ZNF559: variants seen among roughly 807,000 people sequenced by gnomAD.
ZNF559 encodes the protein putative protein product of Nbla00121.
A neutral mutation model predicts 14.2 loss-of-function variants in ZNF559; 17 were observed. The ratio of observed to expected loss-of-function variants is 1.20; its 90% CI spans 0.82 to 1.80. The LOEUF (loss-of-function observed/expected upper bound fraction) is 1.80, where lower values mean the gene tolerates loss of function less well. Ranked by LOEUF, ZNF559 falls within the 40% of genes most tolerant of loss-of-function variation. The pLI is 0.00. For synonymous variants in ZNF559, 244 were observed against 212.4 expected (o/e 1.15, Z -1.29); for missense variants, 740 against 629.7 (o/e 1.18, Z -1.88).
chr19:9,342,512 A>G lies in ZNF559; in HGVS notation c.1061A>G (p.Glu354Gly). The change falls in exon 7 of 7, where the codon GAA becomes GGA. Residue 354 changes from glutamate (E) to glycine (G), a missense_variant. Glu to Gly is a moderately conservative substitution (Grantham distance 98, BLOSUM62 -2). Transcript: ENST00000603380. ...RRTHTGEKPY[E>G]CKECGKAFAN... ...ACTCACACTGGAGAAAAGCCTTATGAATGTAAGGAATGTGGGAAAGCTTTT... is the reference window on the plus strand; with the variant it reads ...ACTCACACTGGAGAAAAGCCTTATGGATGTAAGGAATGTGGGAAAGCTTTT... 6.2e-7 allele frequency: 1 copy of G among 1,614,164 alleles called. No individual in the cohort carries two copies. The highest frequency in any genetic ancestry group is 8.5e-7 in the Non-Finnish European group (1 of 1,180,012).
chr19:9,343,445 A>G lies in ZNF559; in HGVS notation c.*377A>G, dbSNP rs778082544. 9.5e-7 allele frequency: 1 copy of G among 1,054,446 alleles called. No homozygotes were observed. Among genetic ancestry groups the G allele is most frequent in the Non-Finnish European group, 1.1e-6 (1 of 872,192 alleles). 65.3% of individuals were successfully genotyped at this position (1,054,446 alleles called of 1,614,324 possible). A position where few individuals can be genotyped will look rare whatever the true frequency, so the allele number is the denominator to read the frequency against. The stretch of plus-strand genomic sequence containing the variant: ...CGGGCCTTACTGAGCTTGTGAGCAC[A>G]TTGGATATAAATGCACGTCCTCTGG... On this transcript the variant is annotated 3_prime_UTR_variant, in exon 7 of 7. Coordinates refer to ENST00000603380, the MANE Select transcript of ZNF559 (RefSeq NM_032497.3).
At chr19:9,332,355 G>GTGTATATATATATATA (rs138636441) in intron 2 of ZNF559, among the ~76,000 whole-genome samples, 1 of 149,958 alleles carries the variant, frequency 6.7e-6, no homozygotes, top group Non-Finnish European at 1.5e-5. Flanking sequence ...ATGTGTGTGT[G>GTGTATATATATATATA]TATATATATA....
rs766229128 is a variant in ZNF559, at chr19:9,344,037, A to G, written c.*969A>G. 3.3e-4 allele frequency: 52 copies of G among 158,188 alleles called. No homozygotes were observed. Among genetic ancestry groups the G allele is most frequent in the Non-Finnish European group, 3.3e-4 (24 of 73,626 alleles). 9.8% of individuals were successfully genotyped at this position (158,188 alleles called of 1,614,324 possible). A position where few individuals can be genotyped will look rare whatever the true frequency, so the allele number is the denominator to read the frequency against. Reference sequence around the variant, plus strand: ...AGCGAGTGGATCATTTGAGGTCAGGAGTTCGAGACCAGCCTGGCCAACGTG... The same window carrying G: ...AGCGAGTGGATCATTTGAGGTCAGGGGTTCGAGACCAGCCTGGCCAACGTG... On this transcript the variant is annotated 3_prime_UTR_variant, in exon 7 of 7. Coordinates refer to ENST00000603380, the MANE Select transcript of ZNF559 (RefSeq NM_032497.3).
chr19:9,327,555 A>T (rs2066686173), intron 2 of ZNF559, among the ~76,000 whole-genome samples: 1 of 152,116 alleles, frequency 6.6e-6, no homozygotes, highest in African/African-American at 2.4e-5. Flanking sequence ...GGCCTCACCC[A>T]GTGGCTTTTA....
At position 9,342,757 on chromosome 19, in the gene ZNF559, C is replaced by A. The variant is rs1019423871; in HGVS notation, c.1306C>A (p.Pro436Thr). Residue 436 changes from proline to threonine, a missense_variant, in exon 7 of 7, where the codon CCT becomes ACT. Transcript: ENST00000603380. The stretch of plus-strand genomic sequence containing the variant: ...TTTGAGAAGTCACAGTGCAGAAAGG[C>A]CTTTTGAATGTGAGGAATGTGGGAA... ...RHLRSHSAER[P>T]FECEECGKAF... is the part of the protein sequence containing the mutation. The A allele has an allele frequency of 8.1e-6, 13 of 1,614,178 alleles. No individual in the cohort carries two copies. In the South Asian group the frequency reaches 1.3e-4, roughly 16 times the overall value.
At position 9,342,196 on chromosome 19, in the gene ZNF559, C is replaced by T. The variant is rs1275392811; in HGVS notation, c.745C>T (p.Pro249Ser). 2.5e-6 allele frequency: 4 copies of T among 1,604,016 alleles called. No homozygotes were observed. The highest frequency in any genetic ancestry group is 1.1e-5 in the South Asian group (1 of 89,030). ...CTATGAATGTAAAGCATGTGGGAAACCCTTCACTGAGTCGTCATATCTTAC... is the reference window on the plus strand; with the variant it reads ...CTATGAATGTAAAGCATGTGGGAAATCCTTCACTGAGTCGTCATATCTTAC... ...KFYECKACGK[P>S]FTESSYLTQH... The change falls in exon 7 of 7, where the codon CCC becomes TCC. Residue 249 changes from proline (P) to serine (S), a missense_variant. Transcript: ENST00000603380.
rs1469796157 is a variant in ZNF559, at chr19:9,345,561, G to A, written c.*2493G>A. 6.6e-6 allele frequency: 1 copy of A among 152,008 alleles called. No individual in the cohort carries two copies. The highest frequency in any genetic ancestry group is 2.4e-5 in the African/African-American group (1 of 41,404). The allele number at this position is 152,008 out of a possible 1,614,324, so 9.4% of individuals were successfully genotyped here. Reference sequence around the variant, plus strand: ...CCTAGTGACTAATGATGTCTTACATGGTTTCACGTGCTTACTGGCCTTCTT... The same window carrying A: ...CCTAGTGACTAATGATGTCTTACATAGTTTCACGTGCTTACTGGCCTTCTT... On this transcript the variant is annotated 3_prime_UTR_variant, in exon 7 of 7. Transcript: ENST00000603380.
chr19:9,342,413 G>C lies in ZNF559; in HGVS notation c.962G>C (p.Gly321Ala), dbSNP rs1288568872. 4 of 1,614,010 alleles carry C rather than the reference G, an allele frequency of 2.5e-6. No individual in the cohort carries two copies. Among genetic ancestry groups the C allele is most frequent in the Non-Finnish European group, 3.4e-6 (4 of 1,180,014 alleles). The change falls in exon 7 of 7, where the codon GGA becomes GCA. Residue 321 changes from glycine (G) to alanine (A), a missense_variant. Physicochemically the swap from Gly to Ala is moderately conservative, Grantham distance 60. Coordinates refer to ENST00000603380, the MANE Select transcript of ZNF559 (RefSeq NM_032497.3). Reference protein sequence around the residue: ...KLNIHIRVHTGEKPYECNKCG... With the variant: ...KLNIHIRVHTAEKPYECNKCG... Reference sequence around the variant, plus strand: ...AACATTCACATAAGGGTTCACACTGGAGAAAAACCGTATGAGTGCAACAAA... The same window carrying C: ...AACATTCACATAAGGGTTCACACTGCAGAAAAACCGTATGAGTGCAACAAA...
chr19:9,345,802 A>G lies in ZNF559; in HGVS notation c.*2734A>G, dbSNP rs887152512. 7.3e-5 allele frequency: 11 copies of G among 151,438 alleles called. No individual in the cohort carries two copies. The highest frequency in any genetic ancestry group is 2.7e-4 in the African/African-American group (11 of 41,324). The allele number at this position is 151,438 out of a possible 1,614,324, so 9.4% of individuals were successfully genotyped here. A position where few individuals can be genotyped will look rare whatever the true frequency, so the allele number is the denominator to read the frequency against. ...TATTAAACCTATTAGTGTATTTGAT[A>G]TTAATACTTTATATTTAATATAATG... On this transcript the variant is annotated 3_prime_UTR_variant, in exon 7 of 7. Coordinates refer to ENST00000603380, the MANE Select transcript of ZNF559 (RefSeq NM_032497.3).
intron 1 of ZNF559, 65 bp from the exon 2 acceptor site, chr19:9,324,625 CCCCCA>C: frequency 2.9e-6 from 3 of 1,029,014 alleles, no homozygotes; most frequent in Non-Finnish European, 2.7e-6. Context: ...GAGACCCCCC[CCCCCA>C]ACCATCTCTA....
Position 9,324,924 on chromosome 19 carries a change from A to G in ZNF559, c.-120+144A>G, listed in dbSNP as rs527985963. ...CGAATGCATGAGTGGATGAATGCAC[A>G]TAACTGTAAAATTTACCACCAAGGA... On this transcript the variant is annotated intron_variant, in intron 2 of 6. Transcript: ENST00000603380. The G allele has an allele frequency of 7.7e-4, 533 of 694,026 alleles. 14 individuals are homozygous for G. The South Asian group carries it at 8.8e-3, about 11-fold the overall frequency. 43.0% of individuals were successfully genotyped at this position (694,026 alleles called of 1,614,324 possible).
rs1053450267 is a variant in ZNF559, at chr19:9,343,118, A to G, written c.*50A>G. 1 of 1,563,878 alleles carries G rather than the reference A, an allele frequency of 6.4e-7. No individual in the cohort carries two copies. The highest frequency in any genetic ancestry group is 8.6e-7 in the Non-Finnish European group (1 of 1,160,370). On this transcript the variant is annotated 3_prime_UTR_variant, in exon 7 of 7. Transcript: ENST00000603380. ...TGTGGTAAAGCCACTACTTCCTCACACTTACTGAACATGTACTCATTCATA... is the reference window on the plus strand; with the variant it reads ...TGTGGTAAAGCCACTACTTCCTCACGCTTACTGAACATGTACTCATTCATA...
At chr19:9,332,745 G>A (rs562678321) in intron 2 of ZNF559, among the ~76,000 whole-genome samples, 1 of 152,150 alleles carries the variant, frequency 6.6e-6, no homozygotes, top group Non-Finnish European at 1.5e-5. Flanking sequence ...ACCTTCATGT[G>A]TGGCAGATTC....
In ZNF559 at chr19:9,342,210, G is replaced by C. The variant is rs745909470; in HGVS notation, c.759G>C (p.Ser253=). The C allele has an allele frequency of 6.3e-7, 1 of 1,595,472 alleles. No individual in the cohort carries two copies. The highest frequency in any genetic ancestry group is 2.2e-5 in the East Asian group (1 of 44,816). Residue 253 remains serine (S), a synonymous_variant, in exon 7 of 7, where the codon TCG becomes TCC. Coordinates refer to ENST00000603380, the MANE Select transcript of ZNF559 (RefSeq NM_032497.3). Reference sequence around the variant, plus strand: ...CATGTGGGAAACCCTTCACTGAGTCGTCATATCTTACTCAACATTTAAGAA... The same window carrying C: ...CATGTGGGAAACCCTTCACTGAGTCCTCATATCTTACTCAACATTTAAGAA... The part of the protein sequence containing the change: ...CKACGKPFTE[S]SYLTQHLRTH...
At chr19:9,341,353 C>T (rs1449830518) in intron 6 of ZNF559, 169 bp downstream of exon 6, 1 of 604,332 alleles carries the variant, frequency 1.7e-6, no homozygotes, top group South Asian at 1.6e-5. Flanking sequence ...GACAAACACT[C>T]TAAACATCCC....
Position 9,324,210 on chromosome 19 carries a change from G to C in ZNF559, c.-224G>C. The C allele has an allele frequency of 6.5e-7, 1 of 1,536,100 alleles. No individual in the cohort carries two copies. The highest frequency in any genetic ancestry group is 8.7e-7 in the Non-Finnish European group (1 of 1,146,880). On this transcript the variant is annotated 5_prime_UTR_variant, in exon 1 of 7. Coordinates refer to ENST00000603380, the MANE Select transcript of ZNF559 (RefSeq NM_032497.3). ...ATAACGGCCGCCATCTTAACAGCGC[G>C]TTCCCGTTGGCGTCTGAGGTAAGTT... is the stretch of plus-strand genomic sequence containing the variant.
chr19:9,325,342 C>T (rs961981767), intron 2 of ZNF559, among the ~76,000 whole-genome samples: 4 of 151,476 alleles, frequency 2.6e-5, no homozygotes, highest in Non-Finnish European at 5.9e-5. Flanking sequence ...CTTTGGAGGC[C>T]GAGATGCGAG....
intron 2 of ZNF559, among the ~76,000 whole-genome samples, chr19:9,335,216 C>T (rs530480732): frequency 5.9e-5 from 9 of 152,052 alleles, no homozygotes; most frequent in South Asian, 2.1e-4. Flanking sequence ...GCGGGAGGAT[C>T]GCTTGAGCCC....
intron 2 of ZNF559, among the ~76,000 whole-genome samples, chr19:9,327,609 A>T (rs1296335056): frequency 6.6e-6 from 1 of 152,082 alleles, no homozygotes; most frequent in East Asian, 1.9e-4. Context: ...TTACATTGAG[A>T]GGTTAACAGT....
Sources: gnomAD v4.1 joint callset for allele counts (sites outside exome capture counted in the v4.1 genomes callset) on GRCh38, gnomAD v4.1.1 for gene constraint, MANE v1.5 for transcripts, NCBI Gene and HGNC (gene_info 2026-07-23, HGNC 2026-07-21) for gene names.